AGAP9: variants seen among roughly 807,000 people sequenced by gnomAD.
AGAP9 encodes the protein ArfGAP with GTPase domain, ankyrin repeat and PH domain 9.
A neutral mutation model predicts 55.6 loss-of-function variants in AGAP9; 23 were observed. The observed-to-expected ratio is 0.41, with a 90% CI of 0.30 to 0.59. The LOEUF (loss-of-function observed/expected upper bound fraction) is 0.59. Among genes scored for constraint, AGAP9 ranks in the 20% least tolerant of loss-of-function variants. AGAP9 has a pLI of 0.25. For missense variants in AGAP9, 309 were observed against 808.1 expected, an observed-to-expected ratio of 0.38 and a Z score of 7.49; for synonymous variants, 120 against 305.0, an observed-to-expected ratio of 0.39 and a Z score of 6.32.
intron 4 of AGAP9, among the ~76,000 whole-genome samples, chr10:47,515,431 T>C (rs1384721337): frequency 4.1e-5 from 1 of 24,240 alleles, no homozygotes; most frequent in Non-Finnish European, 7.9e-5. Context: ...CCAGTTTGTC[T>C]TGCAGAACTA....
rs1291395486 is a variant in AGAP9, at chr10:47,519,098, T to C, written c.362-1241A>G. Among the ~76,000 whole-genome samples, 9 of 137,354 alleles carry C rather than the reference T, an allele frequency of 6.6e-5. 2 individuals carry two copies. Among genetic ancestry groups the C allele is most frequent in the African/African-American group, 2.0e-4 (7 of 34,906 alleles). 90.1% of individuals were successfully genotyped at this position (137,354 alleles called of 152,430 possible). A position where few individuals can be genotyped will look rare whatever the true frequency, so the allele number is the denominator to read the frequency against. ...GGCCTAGTGGGAGGCATTTGGGTAA[T>C]GGCAGTGGATTCCTTATGAATGGCT... On this transcript the variant is annotated intron_variant, in intron 3 of 7. Coordinates refer to ENST00000452145, the MANE Select transcript of AGAP9 (RefSeq NM_001190810.1).
In AGAP9 at chr10:47,503,082, T is replaced by C; in HGVS notation, c.1047A>G (p.Thr349=). 1 of 1,611,640 alleles carries C rather than the reference T, an allele frequency of 6.2e-7. No individual in the cohort carries two copies. Among genetic ancestry groups the C allele is most frequent in the South Asian group, 1.1e-5 (1 of 90,988 alleles). The change falls in exon 8 of 8, where the codon ACA becomes ACG. Residue 349 remains threonine, a synonymous_variant. Transcript: ENST00000452145. ...KVPGKWPSLA[T]SACAPISSSK... is the part of the protein sequence containing the mutation. ...AGCTGGAGATGGGTGCACAGGCTGATGTGGCTAGGGATGGCCACTTTCCTG... is the reference window on the plus strand; with the variant it reads ...AGCTGGAGATGGGTGCACAGGCTGACGTGGCTAGGGATGGCCACTTTCCTG...
Position 47,503,170 on chromosome 10 carries a change from C to A in AGAP9, c.959G>T (p.Gly320Val). The A allele has an allele frequency of 6.2e-7, 1 of 1,607,156 alleles. No individual in the cohort carries two copies. The highest frequency in any genetic ancestry group is 8.5e-7 in the Non-Finnish European group (1 of 1,178,568). The part of the protein sequence containing the change: ...NGVLTYYSSL[G>V]DYMKNIHKKE... ...TTTATGAATATTCTTCATATAATCACCTAAGCTTGAATAATAGGTGAGCAC... is the reference window on the plus strand; with the variant it reads ...TTTATGAATATTCTTCATATAATCAACTAAGCTTGAATAATAGGTGAGCAC... The change falls in exon 8 of 8, where the codon GGT (glycine) becomes GTT (valine). Residue 320 changes from glycine (G) to valine (V), a missense_variant. Gly to Val is a moderately radical substitution (Grantham distance 109). Coordinates refer to ENST00000452145, the MANE Select transcript of AGAP9 (RefSeq NM_001190810.1).
At chr10:47,505,501 GT>G (rs1840458041) in intron 6 of AGAP9, among the ~76,000 whole-genome samples, 2 of 139,848 alleles carry the variant, frequency 1.4e-5, no homozygotes, top group South Asian at 4.7e-4. Flanking sequence ...CTTTTTTTTT[GT>G]TTTTAAAGAA....
At chr10:47,522,238 T>A (rs1472351951) in intron 2 of AGAP9, among the ~76,000 whole-genome samples, 3 of 142,672 alleles carry the variant, frequency 2.1e-5, no homozygotes, top group Non-Finnish European at 4.6e-5. Flanking sequence ...CGTTGACGTT[T>A]CATGTCTTTT....
intron 2 of AGAP9, among the ~76,000 whole-genome samples, chr10:47,521,660 C>G (rs1840840556): frequency 6.8e-6 from 1 of 148,054 alleles, no homozygotes; most frequent in Non-Finnish European, 1.5e-5. Context: ...CCCAGAATTA[C>G]TTTTACTTAG....
intron 3 of AGAP9, among the ~76,000 whole-genome samples, chr10:47,519,165 A>G (rs1840771229): frequency 7.3e-6 from 1 of 136,524 alleles, no homozygotes; most frequent in Admixed American, 7.4e-5. Context: ...TCATTATGGT[A>G]ATTTAAAAGG....
chr10:47,502,240 A>G lies in AGAP9; in HGVS notation c.1889T>C (p.Leu630Pro). 6.3e-7 allele frequency: 1 copy of G among 1,590,466 alleles called. No individual in the cohort carries two copies. Among genetic ancestry groups the G allele is most frequent in the Non-Finnish European group, 8.5e-7 (1 of 1,172,740 alleles). The change falls in exon 8 of 8, where the codon CTG becomes CCG. Residue 630 changes from leucine to proline, a missense_variant. Coordinates refer to ENST00000452145, the MANE Select transcript of AGAP9 (RefSeq NM_001190810.1). ...GACCACATTCCCCTTGCGGCAGGCC[A>G]GATGGAGTGCCGTGCAGCCGTCTCC... is the stretch of plus-strand genomic sequence containing the variant. ...GEGDGCTALH[L>P]ACRKGNVVLE...
Position 47,501,971 on chromosome 10 carries a change from C to A in AGAP9, c.*181G>T. On this transcript the variant is annotated 3_prime_UTR_variant, in exon 8 of 8. Coordinates refer to ENST00000452145, the MANE Select transcript of AGAP9 (RefSeq NM_001190810.1). Reference sequence around the variant, plus strand: ...TAGTTTACGAAAAGTACTGAAAATGCTATTACTAGCTGAATTTGTGATTTC... The same window carrying A: ...TAGTTTACGAAAAGTACTGAAAATGATATTACTAGCTGAATTTGTGATTTC... The A allele has an allele frequency of 2.6e-6, 3 of 1,167,968 alleles. No individual in the cohort carries two copies. The highest frequency in any genetic ancestry group is 3.6e-6 in the Non-Finnish European group (3 of 833,578). 72.4% of individuals were successfully genotyped at this position (1,167,968 alleles called of 1,614,324 possible).
At position 47,502,780 on chromosome 10, in the gene AGAP9, T is replaced by C; in HGVS notation, c.1349A>G (p.Lys450Arg). The C allele has an allele frequency of 2.4e-5, 37 of 1,570,642 alleles. 5 individuals are homozygous for C. Among genetic ancestry groups the C allele is most frequent in the Non-Finnish European group, 3.1e-5 (36 of 1,152,204 alleles). ...CAGCTGGGACTTGCTTTTACTGCTC[T>C]TGCATGACTGCAGGCTGGCCAGGAT... is the stretch of plus-strand genomic sequence containing the variant. ...SQILASLQSC[K>R]SSKSKSQLTS... is the part of the protein sequence containing the mutation. Residue 450 changes from lysine to arginine, a missense_variant, in exon 8 of 8, where the codon AAG (lysine) becomes AGG (arginine). Physicochemically the swap from Lys to Arg is conservative, Grantham distance 26. Coordinates refer to ENST00000452145, the MANE Select transcript of AGAP9 (RefSeq NM_001190810.1).
intron 4 of AGAP9, among the ~76,000 whole-genome samples, chr10:47,511,357 C>T (rs1225076505): frequency 0.017 from 2,395 of 140,442 alleles, 174 homozygotes; most frequent in African/African-American, 0.052. Flanking sequence ...TAATCCTAAA[C>T]GTATTATTTC....
chr10:47,507,548 C>CT lies in AGAP9; in HGVS notation c.532dup (p.Arg178LysfsTer5). On this transcript the variant is annotated frameshift_variant and splice_region_variant, in exon 6 of 8. Coordinates refer to ENST00000452145, the MANE Select transcript of AGAP9 (RefSeq NM_001190810.1). LOFTEE classifies it high-confidence loss of function. ...CAAGACAGGTTTCTAAAAAGCTCAC[C>CT]TTTGTGTGATATGATGAGGTATCTC... is the stretch of plus-strand genomic sequence containing the variant. The CT allele has an allele frequency of 6.6e-7, 1 of 1,526,034 alleles. No individual in the cohort carries two copies. Among genetic ancestry groups the CT allele is most frequent in the Middle Eastern group, 1.9e-4 (1 of 5,332 alleles). 94.5% of individuals were successfully genotyped at this position (1,526,034 alleles called of 1,614,324 possible).
chr10:47,514,200 C>T (rs2132489924), intron 4 of AGAP9, among the ~76,000 whole-genome samples: 1 of 146,842 alleles, frequency 6.8e-6, no homozygotes, highest in African/African-American at 2.6e-5. Context: ...GGAACCAGCC[C>T]AAATGCCCAT....
rs1351902468 is a variant in AGAP9 at position 47,522,388 on chromosome 10, A to G, written c.292+478T>C. On this transcript the variant is annotated intron_variant, in intron 2 of 7. Coordinates refer to ENST00000452145, the MANE Select transcript of AGAP9 (RefSeq NM_001190810.1). ...TTAAAGTAATCAGAGCCTCATAGGTAAACTCCTTTGAGAAACCCCAAACAC... is the reference window on the plus strand; with the variant it reads ...TTAAAGTAATCAGAGCCTCATAGGTGAACTCCTTTGAGAAACCCCAAACAC... Among the ~76,000 whole-genome samples the G allele has an allele frequency of 4.0e-5, 6 of 149,894 alleles. 1 individual carries two copies. Among genetic ancestry groups the G allele is most frequent in the African/African-American group, 1.5e-4 (6 of 39,826 alleles).
Position 47,501,945 on chromosome 10 carries a change from T to C in AGAP9, c.*207A>G. ...AAAAATCAACATTTTGTGTATTTACTTAGTTTACGAAAAGTACTGAAAATG... is the reference window on the plus strand; with the variant it reads ...AAAAATCAACATTTTGTGTATTTACCTAGTTTACGAAAAGTACTGAAAATG... On this transcript the variant is annotated 3_prime_UTR_variant, in exon 8 of 8. Coordinates refer to ENST00000452145, the MANE Select transcript of AGAP9 (RefSeq NM_001190810.1). The C allele has an allele frequency of 8.3e-7, 1 of 1,198,982 alleles. No homozygotes were observed. The highest frequency in any genetic ancestry group is 2.8e-5 in the East Asian group (1 of 36,240). 74.3% of individuals were successfully genotyped at this position (1,198,982 alleles called of 1,614,324 possible).
rs1840376313 is a variant in AGAP9 at position 47,502,554 on chromosome 10, T to C, written c.1575A>G (p.Pro525=). The part of the protein sequence containing the change: ...RVRSLELDDW[P]VELRKVMSSI... ...ATGACATAACCTTCCTGAGCTCAACTGGCCAGTCATCCAGCTCCAGAGATC... is the reference window on the plus strand; with the variant it reads ...ATGACATAACCTTCCTGAGCTCAACCGGCCAGTCATCCAGCTCCAGAGATC... The change falls in exon 8 of 8, where the codon CCA becomes CCG. Residue 525 remains proline (P), a synonymous_variant. Coordinates refer to ENST00000452145, the MANE Select transcript of AGAP9 (RefSeq NM_001190810.1). 6.2e-7 allele frequency: 1 copy of C among 1,611,860 alleles called. No individual in the cohort carries two copies. Among genetic ancestry groups the C allele is most frequent in the Admixed American group, 1.7e-5 (1 of 59,746 alleles).
At chr10:47,510,855 A>G (rs1840600664) in intron 4 of AGAP9, among the ~76,000 whole-genome samples, 2 of 127,952 alleles carry the variant, frequency 1.6e-5, no homozygotes, top group Admixed American at 8.1e-5. Flanking sequence ...AAAAGAAAGA[A>G]AAGTTTAAAA....
At position 47,507,655 on chromosome 10, in the gene AGAP9, G is replaced by C. The variant is rs1371684800; in HGVS notation, c.498-72C>G. 9 of 1,516,886 alleles carry C rather than the reference G, an allele frequency of 5.9e-6. 1 individual carries two copies. Among genetic ancestry groups the C allele is most frequent in the African/African-American group, 1.5e-5 (1 of 67,730 alleles). The allele number at this position is 1,516,886 out of a possible 1,614,324, so 94.0% of individuals were successfully genotyped here. A position where few individuals can be genotyped will look rare whatever the true frequency, so the allele number is the denominator to read the frequency against. ...AGGCCTGCAGACATTTTTTAAAAGG[G>C]GGGCAGAGGAAACTCTCCTAGCGGC... is the stretch of plus-strand genomic sequence containing the variant. On this transcript the variant is annotated intron_variant, in intron 5 of 7. Transcript: ENST00000452145.
intron 5 of AGAP9, among the ~76,000 whole-genome samples, chr10:47,508,038 G>C (rs1242164243): frequency 7.6e-6 from 1 of 131,356 alleles, no homozygotes; most frequent in Non-Finnish European, 1.6e-5. Flanking sequence ...GGGACTACAA[G>C]TTTGCGCCAC....
Sources: allele counts gnomAD v4.1 joint callset (sites outside exome capture counted in the v4.1 genomes callset), GRCh38; gene constraint gnomAD v4.1.1; transcripts MANE v1.5; gene names NCBI Gene and HGNC (gene_info 2026-07-23, HGNC 2026-07-21).